LCOR: variants seen among roughly 807,000 people sequenced by gnomAD.
LCOR encodes ligand dependent nuclear receptor corepressor, also known as ligand-dependent corepressor.
LCOR carries 14 observed loss-of-function variants against 64.4 expected under a neutral mutation model. The ratio of observed to expected loss-of-function variants is 0.22; its 90% confidence interval spans 0.14 to 0.34. The LOEUF (loss-of-function observed/expected upper bound fraction) is 0.34. Among genes scored for constraint, LCOR ranks in the 10% least tolerant of loss-of-function variants. The pLI is 1.00. For missense variants in LCOR, 1,686 were observed against 1,765.3 expected (o/e 0.96, Z 0.80); for synonymous variants, 643 against 642.5 (o/e 1.00, Z -0.01).
At chr10:96,965,378 G>C (rs1847938141) in intron 7 of LCOR, among the ~76,000 whole-genome samples, 1 of 150,706 alleles carries the variant, frequency 6.6e-6, no homozygotes, top group South Asian at 2.1e-4. Flanking sequence ...AATAGTTTTT[G>C]TCGGCCGGGC....
At chr10:96,849,397 C>T (rs1232446815) in intron 2 of LCOR, among the ~76,000 whole-genome samples, 1 of 152,092 alleles carries the variant, frequency 6.6e-6, no homozygotes, top group East Asian at 1.9e-4. Flanking sequence ...TTAGTAGAGA[C>T]AGGGTTTTTG....
intron 4 of LCOR, among the ~76,000 whole-genome samples, chr10:96,916,479 ACAAAT>A (rs1589653509): frequency 1.3e-5 from 2 of 151,970 alleles, no homozygotes; most frequent in African/African-American, 4.8e-5. Flanking sequence ...CCAGAATACT[ACAAAT>A]CAATAAGTAT....
chr10:96,947,326 C>A (rs1847605665), intron 5 of LCOR, among the ~76,000 whole-genome samples: 1 of 152,028 alleles, frequency 6.6e-6, no homozygotes, highest in Non-Finnish European at 1.5e-5. Context: ...ATAAATAGCA[C>A]AACTTTGTGA....
intron 4 of LCOR, among the ~76,000 whole-genome samples, chr10:96,935,804 A>G (rs1564630891): frequency 6.6e-6 from 1 of 152,220 alleles, no homozygotes; most frequent in African/African-American, 2.4e-5. Flanking sequence ...CACTGCACTC[A>G]AGCCTGGGCA....
chr10:96,982,802 A>G lies in LCOR; in HGVS notation c.2342A>G (p.Lys781Arg), dbSNP rs368274379. 10 of 1,613,990 alleles carry G rather than the reference A, an allele frequency of 6.2e-6. No homozygotes were observed. In the African/African-American group the frequency reaches 6.7e-5, roughly 11 times the overall value. Residue 781 changes from lysine to arginine, a missense_variant, in exon 8 of 8, where the codon AAA becomes AGA. Transcript: ENST00000421806. The stretch of plus-strand genomic sequence containing the variant: ...TTAGAGGGAGAGGACGGTGATGTAA[A>G]ATGCCTGTCAGAAAAAGACACGTAT... ...GKLEGEDGDV[K>R]CLSEKDTYDT...
intron 7 of LCOR, among the ~76,000 whole-genome samples, chr10:96,966,220 CTTTTTTT>C (rs34210121): frequency 3.4e-3 from 187 of 55,096 alleles, no homozygotes; most frequent in Middle Eastern, 0.033. Flanking sequence ...CCAAAGGACT[CTTTTTTT>C]TTTTTTTTTT....
At chr10:96,920,834 G>T (rs1357524459) in intron 4 of LCOR, among the ~76,000 whole-genome samples, 1 of 150,506 alleles carries the variant, frequency 6.6e-6, no homozygotes, top group Non-Finnish European at 1.5e-5. Flanking sequence ...ATGTTACTCT[G>T]TTGCCCAGGC....
At chr10:96,942,632 A>G (rs1278941517) in intron 4 of LCOR, among the ~76,000 whole-genome samples, 4 of 152,176 alleles carry the variant, frequency 2.6e-5, no homozygotes, top group Admixed American at 6.5e-5. Context: ...ACAATATATA[A>G]TCCATGCTAA....
rs576335130 is a variant in LCOR, at chr10:96,957,981, T to C, written c.332+5785T>C. 23 of 989,750 alleles carry C rather than the reference T, an allele frequency of 2.3e-5. No homozygotes were observed. In the East Asian group the frequency reaches 2.1e-3, roughly 91 times the overall value. 61.3% of individuals were successfully genotyped at this position (989,750 alleles called of 1,614,324 possible). ...TGGAAGTTGCAATAAAAATTCCTTA[T>C]GAAATATATGGTTTTCATCTGTAAT... is the stretch of plus-strand genomic sequence containing the variant. On this transcript the variant is annotated intron_variant, in intron 7 of 7. Coordinates refer to ENST00000421806, the MANE Select transcript of LCOR (RefSeq NM_001346516.2).
chr10:96,876,614 A>G (rs1846168248), intron 2 of LCOR, among the ~76,000 whole-genome samples: 1 of 152,254 alleles, frequency 6.6e-6, no homozygotes. Context: ...CAGAAAGTAG[A>G]AAAGATTAAT....
intron 5 of LCOR, among the ~76,000 whole-genome samples, 152 bp from the exon 6 acceptor site, chr10:96,948,856 T>C (rs1282119930): frequency 6.6e-6 from 1 of 152,072 alleles, no homozygotes; most frequent in Non-Finnish European, 1.5e-5. Context: ...AATAGACAAC[T>C]CAAAAGCTTA....
intron 4 of LCOR, among the ~76,000 whole-genome samples, chr10:96,926,620 G>A (rs560995055): frequency 1.3e-5 from 2 of 152,112 alleles, no homozygotes; most frequent in African/African-American, 4.8e-5. Context: ...ATGAATTTTG[G>A]TAAATGTATA....
intron 4 of LCOR, among the ~76,000 whole-genome samples, chr10:96,924,307 A>G (rs940612025): frequency 2.0e-5 from 3 of 152,180 alleles, no homozygotes; most frequent in Admixed American, 6.5e-5. Context: ...GGCTCAAGTC[A>G]TCCTCCAGCC....
intron 2 of LCOR, among the ~76,000 whole-genome samples, chr10:96,898,979 C>T (rs1846588447): frequency 6.6e-6 from 1 of 152,074 alleles, no homozygotes; most frequent in Non-Finnish European, 1.5e-5. Context: ...ATGAATAGGA[C>T]TCAATGACCG....
chr10:96,949,087 T>G lies in LCOR; in HGVS notation c.30T>G (p.Ala10=). MQRMIQQFA[A]EYTSKNSSTQ... is the part of the protein sequence containing the mutation. ...AGCGAATGATCCAACAATTTGCTGC[T>G]GAATATACCTCAAAAAATAGCTCTA... The change falls in exon 6 of 8, where the codon GCT becomes GCG. Residue 10 remains alanine, a synonymous_variant. Transcript: ENST00000421806. 2.5e-6 allele frequency: 4 copies of G among 1,614,090 alleles called. No homozygotes were observed. The highest frequency in any genetic ancestry group is 3.4e-6 in the Non-Finnish European group (4 of 1,179,984).
chr10:96,970,289 T>G (rs1398333242), intron 7 of LCOR, among the ~76,000 whole-genome samples: 1 of 152,044 alleles, frequency 6.6e-6, no homozygotes, highest in African/African-American at 2.4e-5. Context: ...TCCTAGCTAC[T>G]CTGGAGGCTG....
chr10:96,867,806 T>C (rs1007226079), intron 2 of LCOR, among the ~76,000 whole-genome samples: 2 of 152,128 alleles, frequency 1.3e-5, no homozygotes, highest in Non-Finnish European at 1.5e-5. Context: ...TATAAATATA[T>C]ATAAATTTTA....
chr10:96,840,548 A>G (rs774825756), intron 2 of LCOR, among the ~76,000 whole-genome samples: 25 of 152,290 alleles, frequency 1.6e-4, no homozygotes, highest in Non-Finnish European at 3.4e-4. Context: ...CAAATTTGGT[A>G]TTGGGAGACT....
intron 4 of LCOR, among the ~76,000 whole-genome samples, chr10:96,913,330 T>TAA (rs1846878834): frequency 6.6e-6 from 1 of 152,198 alleles, no homozygotes; most frequent in Non-Finnish European, 1.5e-5. Context: ...TACAGATATG[T>TAA]TGATAGTATG....
Sources: allele counts gnomAD v4.1 joint callset (sites outside exome capture counted in the v4.1 genomes callset), GRCh38; gene constraint gnomAD v4.1.1; transcripts MANE v1.5; gene names NCBI Gene and HGNC (gene_info 2026-07-23, HGNC 2026-07-21).